Variants in CD200 observed in about 807,000 individuals in gnomAD.
CD200 encodes OX-2 membrane glycoprotein.
Under a neutral mutation model 30.9 loss-of-function variants are expected in CD200, and 15 were observed. The ratio of observed to expected loss-of-function variants is 0.49; its 90% CI spans 0.32 to 0.75. The LOEUF (loss-of-function observed/expected upper bound fraction) is 0.75. CD200 is among the 30% of genes least tolerant of loss of function. The pLI, the probability that CD200 is intolerant of heterozygous loss-of-function variation, is 0.03. For synonymous variants in CD200, 134 were observed against 126.2 expected, an observed-to-expected ratio of 1.06 and a Z score of -0.41; for missense variants, 262 against 324.2, an observed-to-expected ratio of 0.81 and a Z score of 1.47.
chr3:112,351,460 C>A (rs2081529841), intron 5 of CD200, among the ~76,000 whole-genome samples: 1 of 152,112 alleles, frequency 6.6e-6, no homozygotes, highest in Admixed American at 6.6e-5. Context: ...AAATAATTAC[C>A]CTTGTTCATT....
intron 3 of CD200, 85 bp downstream of exon 3, chr3:112,345,373 C>A: frequency 9.0e-7 from 1 of 1,107,074 alleles, no homozygotes; most frequent in Non-Finnish European, 1.3e-6. Context: ...CCCAGTTTTT[C>A]AGGATTTTAA....
chr3:112,342,365 CTTT>C (rs2081277057), intron 2 of CD200, among the ~76,000 whole-genome samples: 1 of 26,812 alleles, frequency 3.7e-5, no homozygotes, highest in Admixed American at 4.9e-4. Flanking sequence ...TTCTTTCTTT[CTTT>C]CTTTCTTTCT....
At chr3:112,333,874 A>AT (rs1406137382) in intron 1 of CD200, 2 of 985,308 alleles carry the variant, frequency 2.0e-6, no homozygotes, top group African/African-American at 3.5e-5. Context: ...AGAAACAGAC[A>AT]TTTTGTTTAT....
chr3:112,361,381 CA>C (rs1283181597), intron 5 of CD200, among the ~76,000 whole-genome samples, 161 bp from the exon 6 acceptor site: 1 of 152,156 alleles, frequency 6.6e-6, no homozygotes, highest in Non-Finnish European at 1.5e-5. Context: ...AGTCCCCTCA[CA>C]CCATACTGGG....
intron 2 of CD200, among the ~76,000 whole-genome samples, chr3:112,342,316 T>C (rs1398922359): frequency 0.12 from 2,192 of 17,764 alleles, 463 homozygotes; most frequent in Middle Eastern, 0.23. Context: ...CTTTCTTCTT[T>C]CTTTCTTTCT....
chr3:112,333,030 C>A, upstream of CD200: 1 of 787,928 alleles, frequency 1.3e-6, no homozygotes, highest in Non-Finnish European at 2.0e-6. Context: ...TTTAATTCCC[C>A]CCACACAGAC....
chr3:112,334,058 T>C, intron 1 of CD200: 1 of 985,404 alleles, frequency 1.0e-6, no homozygotes. Flanking sequence ...TTCACTGTCT[T>C]TCTTAACAAA....
chr3:112,359,821 A>G (rs1383720427), intron 5 of CD200, among the ~76,000 whole-genome samples: 1 of 152,218 alleles, frequency 6.6e-6, no homozygotes, highest in Non-Finnish European at 1.5e-5. Flanking sequence ...GCACAAGGAA[A>G]TAATATAGAA....
chr3:112,333,073 G>T, upstream of CD200: 5 of 1,283,506 alleles, frequency 3.9e-6, no homozygotes, highest in East Asian at 2.5e-5. Flanking sequence ...TGGGGAAAAC[G>T]GAGTGGGAGA....
chr3:112,333,550 G>T (rs963026144), intron 1 of CD200: 1 of 985,422 alleles, frequency 1.0e-6, no homozygotes, highest in Non-Finnish European at 1.2e-6. Flanking sequence ...CTCCGGGCAG[G>T]CTCGGCTCGG....
intron 5 of CD200, among the ~76,000 whole-genome samples, chr3:112,350,470 TTC>T (rs2081509213): frequency 1.3e-5 from 2 of 152,300 alleles, no homozygotes. Context: ...CTATTGTAAA[TTC>T]AGTACCTCAT....
rs76231123 is a variant in CD200 at position 112,349,976 on chromosome 3, G to A, written c.802+157G>A. 2.8e-3 allele frequency: 2,710 copies of A among 984,856 alleles called. 52 individuals carry two copies. The African/African-American group carries it at 0.044, about 16-fold the overall frequency. The allele number at this position is 984,856 out of a possible 1,614,324, so 61.0% of individuals were successfully genotyped here. A position where few individuals can be genotyped will look rare whatever the true frequency, so the allele number is the denominator to read the frequency against. On this transcript the variant is annotated intron_variant, in intron 5 of 5. Coordinates refer to ENST00000315711, the MANE Select transcript of CD200 (RefSeq NM_005944.7). ...AAATGTTGATACTGTTTTAAAATGC[G>A]TCGGGGCATTTTCTTGCAATTGGAC...
chr3:112,342,318 TTTCTTTCTTTCTTTCTTTCC>T (rs1478965125), intron 2 of CD200, among the ~76,000 whole-genome samples: 3 of 19,264 alleles, frequency 1.6e-4, no homozygotes, highest in African/African-American at 2.9e-4. Context: ...TTCTTCTTTC[TTTCTTTCTTTCTTTCTTTCC>T]TTCTTTCTTT....
chr3:112,340,001 G>C (rs1437697781), intron 1 of CD200, among the ~76,000 whole-genome samples: 1 of 152,192 alleles, frequency 6.6e-6, no homozygotes, highest in Non-Finnish European at 1.5e-5. Flanking sequence ...CGAATTGACA[G>C]AGATTATGCA....
chr3:112,339,205 G>A (rs2081185336), intron 1 of CD200, among the ~76,000 whole-genome samples: 2 of 152,050 alleles, frequency 1.3e-5, no homozygotes, highest in Admixed American at 6.6e-5. Flanking sequence ...TTGTCCTCTG[G>A]TCTTTCAAAT....
chr3:112,342,417 CT>C (rs762303753), intron 2 of CD200, among the ~76,000 whole-genome samples: 17 of 70,386 alleles, frequency 2.4e-4, no homozygotes, highest in Non-Finnish European at 3.7e-4. Flanking sequence ...TTCTTTCTTT[CT>C]TTCTTTCTTT....
Position 112,342,271 on chromosome 3 carries a change from GTCCT to G in CD200, c.94+1322_94+1325del, listed in dbSNP as rs745418625. Among the ~76,000 whole-genome samples, 532 of 75,668 alleles carry G rather than the reference GTCCT, an allele frequency of 7.0e-3. 47 individuals carry two copies. Among genetic ancestry groups the G allele is most frequent in the East Asian group, 0.014 (31 of 2,234 alleles). The allele number at this position is 75,668 out of a possible 152,430, so 49.6% of individuals were successfully genotyped here. A position where few individuals can be genotyped will look rare whatever the true frequency, so the allele number is the denominator to read the frequency against. On this transcript the variant is annotated intron_variant, in intron 2 of 5. Coordinates refer to ENST00000315711, the MANE Select transcript of CD200 (RefSeq NM_005944.7). ...AGAATTAAATGTTTCTCTGAGAACT[GTCCT>G]TCCTTCCTTCCTTCCTTCCTTCCTT...
At chr3:112,345,363 C>A (rs2081360704) in intron 3 of CD200, 75 bp downstream of exon 3, 1 of 1,208,662 alleles carries the variant, frequency 8.3e-7, no homozygotes, top group Non-Finnish European at 1.2e-6. Context: ...AGCCGTAGTG[C>A]CCAGTTTTTC....
chr3:112,342,341 CTTTCTTTCTTTCTTTCTTT>C lies in CD200; in HGVS notation c.94+1359_94+1377del, dbSNP rs2081270526. ...TCTTTCTTTCTTTCTTTCTTTCCTT[CTTTCTTTCTTTCTTTCTTT>C]CTTTCTTTCTTTCTTTCTTTCTTTC... On this transcript the variant is annotated intron_variant, in intron 2 of 5. Transcript: ENST00000315711. Among the ~76,000 whole-genome samples the C allele has an allele frequency of 9.3e-3, 422 of 45,474 alleles. 36 individuals carry two copies. Among genetic ancestry groups the C allele is most frequent in the East Asian group, 0.024 (49 of 2,044 alleles). The allele number at this position is 45,474 out of a possible 152,430, so 29.8% of individuals were successfully genotyped here.
Sources: allele counts gnomAD v4.1 joint callset (sites outside exome capture counted in the v4.1 genomes callset), GRCh38; gene constraint gnomAD v4.1.1; transcripts MANE v1.5; gene names NCBI Gene and HGNC (gene_info 2026-07-23, HGNC 2026-07-21).